Variants in ATOSA observed in about 807,000 individuals in gnomAD.
The protein encoded by ATOSA is atos homolog A.
At chr15:52,666,506 C>T in the ATOSA span, among the ~76,000 whole-genome samples, 19 of 152,236 alleles carry the variant, frequency 1.2e-4, no homozygotes, top group African/African-American at 4.6e-4. Context: ...CCCCCAATAA[C>T]CTTGTGAAGT....
At chr15:52,697,957 A>ATTTTTTT in the ATOSA span, among the ~76,000 whole-genome samples, 32 of 44,784 alleles carry the variant, frequency 7.1e-4, 2 homozygotes, top group African/African-American at 1.1e-3. Flanking sequence ...GGGATGTAGA[A>ATTTTTTT]TTTTTTTTTT....
the ATOSA span, among the ~76,000 whole-genome samples, chr15:52,646,995 C>G: frequency 6.6e-6 from 1 of 152,018 alleles, no homozygotes; most frequent in African/African-American, 2.4e-5. Flanking sequence ...AACATATACA[C>G]CAATGCAATG....
chr15:52,605,467 T>G, the ATOSA span, among the ~76,000 whole-genome samples: 1 of 152,248 alleles, frequency 6.6e-6, no homozygotes, highest in South Asian at 2.1e-4. Context: ...GCATCATATA[T>G]ACTTTACTGG....
At chr15:52,618,187 T>C in the ATOSA span, among the ~76,000 whole-genome samples, 2 of 152,130 alleles carry the variant, frequency 1.3e-5, no homozygotes, top group African/African-American at 4.8e-5. Flanking sequence ...TACAGGCACC[T>C]ACCACCACGT....
chr15:52,658,512 G>A, the ATOSA span: 15 of 382,504 alleles, frequency 3.9e-5, no homozygotes, highest in African/African-American at 2.9e-4. Flanking sequence ...CCTAAGAGAG[G>A]AAACATCAGT....
At chr15:52,636,032 TA>T in the ATOSA span, among the ~76,000 whole-genome samples, 1 of 146,268 alleles carries the variant, frequency 6.8e-6, no homozygotes, top group Admixed American at 6.9e-5. Flanking sequence ...ATATAAATAA[TA>T]AATATATATT....
chr15:52,639,917 A>AT, the ATOSA span, among the ~76,000 whole-genome samples: 1,127 of 143,408 alleles, frequency 7.9e-3, 7 homozygotes, highest in African/African-American at 0.024. Flanking sequence ...TACCCAGCTA[A>AT]TTTTTTTTTT....
At chr15:52,617,816 T>C in the ATOSA span, among the ~76,000 whole-genome samples, 1 of 149,238 alleles carries the variant, frequency 6.7e-6, no homozygotes, top group Non-Finnish European at 1.5e-5. Context: ...TACTAATTTA[T>C]ATATAATAAT....
the ATOSA span, among the ~76,000 whole-genome samples, chr15:52,700,419 T>G: frequency 6.6e-6 from 1 of 152,086 alleles, no homozygotes; most frequent in Non-Finnish European, 1.5e-5. Flanking sequence ...TCCTCCCCTG[T>G]GAAAAATGTT....
At chr15:52,677,160 T>C in the ATOSA span, among the ~76,000 whole-genome samples, 1 of 152,306 alleles carries the variant, frequency 6.6e-6, no homozygotes, top group African/African-American at 2.4e-5. Context: ...AGCATCTAAT[T>C]CGTAGGATAA....
chr15:52,602,502 T>A, the ATOSA span, among the ~76,000 whole-genome samples: 1 of 152,174 alleles, frequency 6.6e-6, no homozygotes, highest in Non-Finnish European at 1.5e-5. Flanking sequence ...AAATCCTCAC[T>A]GCCCTGGGTT....
At chr15:52,702,668 C>G in the ATOSA span, among the ~76,000 whole-genome samples, 2 of 151,382 alleles carry the variant, frequency 1.3e-5, no homozygotes, top group East Asian at 1.9e-4. Flanking sequence ...ATGCTCAGTA[C>G]CTGGATGACA....
At chr15:52,602,770 C>T in the ATOSA span, among the ~76,000 whole-genome samples, 2 of 152,244 alleles carry the variant, frequency 1.3e-5, no homozygotes, top group South Asian at 4.1e-4. Context: ...GCCAGTCTTC[C>T]CTGTGCCTGG....
At chr15:52,652,607 A>T in the ATOSA span, among the ~76,000 whole-genome samples, 1 of 152,206 alleles carries the variant, frequency 6.6e-6, no homozygotes, top group South Asian at 2.1e-4. Context: ...CCTCAAATGC[A>T]TGCAGTACCT....
the ATOSA span, among the ~76,000 whole-genome samples, chr15:52,597,598 C>G: frequency 0.024 from 3,618 of 152,180 alleles, 118 homozygotes; most frequent in African/African-American, 0.075. Context: ...ACAGAAAGCA[C>G]TAAGATTCCC....
the ATOSA span, chr15:52,593,447 A>G: frequency 1.2e-6 from 1 of 819,806 alleles, no homozygotes; most frequent in Non-Finnish European, 1.8e-6. Flanking sequence ...GTGAGGTAAT[A>G]TTTTGGCATA....
the ATOSA span, among the ~76,000 whole-genome samples, chr15:52,681,577 C>T: frequency 6.6e-6 from 1 of 152,128 alleles, no homozygotes; most frequent in Non-Finnish European, 1.5e-5. Flanking sequence ...CTGTTCACAC[C>T]TCAGAGCACA....
the ATOSA span, chr15:52,593,839 T>C: frequency 5.4e-6 from 6 of 1,107,542 alleles, no homozygotes; most frequent in Admixed American, 1.7e-4. Context: ...AGAGAAGTGA[T>C]TAAAAGAAAT....
At chr15:52,581,630 G>C in the ATOSA span, 1 of 152,626 alleles carries the variant, frequency 6.6e-6, no homozygotes, top group Non-Finnish European at 1.5e-5. Context: ...AAACATGAGA[G>C]ATATAAAAAG....
Sources: gnomAD v4.1 joint callset for allele counts (sites outside exome capture counted in the v4.1 genomes callset) on GRCh38, gnomAD v4.1.1 for gene constraint, MANE v1.5 for transcripts, NCBI Gene and HGNC (gene_info 2026-07-23, HGNC 2026-07-21) for gene names.